Variants in USP20 observed in about 807,000 individuals in gnomAD.
USP20 encodes ubiquitin carboxyl-terminal hydrolase 20.
USP20 carries 80 observed loss-of-function variants against 124.2 expected under a neutral mutation model. The ratio of observed to expected loss-of-function variants is 0.64; its 90% CI spans 0.54 to 0.78. USP20 has a LOEUF of 0.78. Among genes scored for constraint, USP20 ranks in the 30% least tolerant of loss-of-function variants. The pLI, the probability that USP20 is intolerant of heterozygous loss-of-function variation, is 0.00. For missense variants in USP20, 1,043 were observed against 1,244.4 expected (o/e 0.84, Z 2.44); for synonymous variants, 481 against 512.3 (o/e 0.94, Z 0.83).
intron 22 of USP20, among the ~76,000 whole-genome samples, chr9:129,876,667 A>T (rs943254151): frequency 6.6e-6 from 1 of 151,592 alleles, no homozygotes; most frequent in South Asian, 2.1e-4. Flanking sequence ...AAAAGAAAAG[A>T]AAGGAGTCTT....
chr9:129,873,113 ACT>A (rs1032140650), intron 15 of USP20, among the ~76,000 whole-genome samples: 2 of 52,874 alleles, frequency 3.8e-5, no homozygotes, highest in African/African-American at 1.5e-4. Flanking sequence ...ATGGAGTTTT[ACT>A]CTGTCACCCA....
chr9:129,865,283 T>A lies in USP20; in HGVS notation c.612-20T>A. 2 of 1,613,834 alleles carry A rather than the reference T, an allele frequency of 1.2e-6. No homozygotes were observed. Among genetic ancestry groups the A allele is most frequent in the African/African-American group, 1.3e-5 (1 of 75,054 alleles). ...GCTCAAGGCAGGCTACCTGGACTAA[T>A]GGGTTTGGGCTTCCTACAGGCCAAG... On this transcript the variant is annotated intron_variant, in intron 9 of 25. Transcript: ENST00000372429.
intron 11 of USP20, 135 bp from the exon 12 acceptor site, chr9:129,868,727 G>GT (rs1361085443): frequency 2.1e-6 from 3 of 1,425,260 alleles, no homozygotes; most frequent in East Asian, 2.4e-5. Flanking sequence ...GGGGCCAGGA[G>GT]TGGGCACATG....
At chr9:129,859,091 A>G (rs545179479) in intron 6 of USP20, among the ~76,000 whole-genome samples, 3 of 151,608 alleles carry the variant, frequency 2.0e-5, no homozygotes, top group Admixed American at 1.3e-4. Flanking sequence ...TTTGATCAAC[A>G]GTGTGCTGTG....
chr9:129,870,364 C>A, intron 14 of USP20, 89 bp from the exon 15 acceptor site: 1 of 1,412,688 alleles, frequency 7.1e-7, no homozygotes, highest in Non-Finnish European at 9.9e-7. Flanking sequence ...TTCTGCGGCT[C>A]AGGCCTGACA....
Position 129,875,345 on chromosome 9 carries a change from AG to A in USP20, c.2086del (p.Val696TrpfsTer79). ...GAGGAGGCCATGCGGGAGCGACAGC[AG>A]GTGGTGTCCCTGGCCGCCATGCGGG... ...SSEEAMRERQ[Q>X]VVSLAAMREP... On this transcript the variant is annotated frameshift_variant, in exon 20 of 26. Transcript: ENST00000372429. LOFTEE classifies it high-confidence loss of function. 1.9e-6 allele frequency: 3 copies of A among 1,612,330 alleles called. No individual in the cohort carries two copies. Among genetic ancestry groups the A allele is most frequent in the Non-Finnish European group, 2.5e-6 (3 of 1,179,596 alleles).
Position 129,876,257 on chromosome 9 carries a change from C to T in USP20, c.2409+19C>T, listed in dbSNP as rs747827071. The T allele has an allele frequency of 2.4e-5, 39 of 1,592,258 alleles. No homozygotes were observed. The highest frequency in any genetic ancestry group is 5.4e-5 in the African/African-American group (4 of 74,476). The stretch of plus-strand genomic sequence containing the variant: ...CATCAAGGTGCGTGCGGCGAGGCGG[C>T]GCGGGGGCGGCTCTGCCAGCCTCTG... On this transcript the variant is annotated intron_variant, in intron 22 of 25. Coordinates refer to ENST00000372429, the MANE Select transcript of USP20 (RefSeq NM_001110303.4).
intron 15 of USP20, among the ~76,000 whole-genome samples, chr9:129,871,677 T>A (rs10739761): frequency 6.6e-6 from 1 of 152,124 alleles, no homozygotes; most frequent in Non-Finnish European, 1.5e-5. Context: ...GTCAACCTCA[T>A]GGGTATGAGG....
rs983173777 is a variant in USP20, at chr9:129,868,314, T to C, written c.1000T>C (p.Trp334Arg). 1.2e-6 allele frequency: 2 copies of C among 1,613,694 alleles called. No individual in the cohort carries two copies. Among genetic ancestry groups the C allele is most frequent in the South Asian group, 2.2e-5 (2 of 91,092 alleles). The change falls in exon 11 of 26, where the codon TGG becomes CGG. Residue 334 changes from tryptophan (W) to arginine (R), a missense_variant. Physicochemically the swap from Trp to Arg is moderately radical, Grantham distance 101. Transcript: ENST00000372429. Reference protein sequence around the residue: ...KERMKDRKFSWGQQRTNSEQV... With the variant: ...KERMKDRKFSRGQQRTNSEQV... ...GCGGATGAAGGACCGCAAGTTCTCCTGGGGCCAGCAGCGTACAAACTCGGA... is the reference window on the plus strand; with the variant it reads ...GCGGATGAAGGACCGCAAGTTCTCCCGGGGCCAGCAGCGTACAAACTCGGA...
intron 3 of USP20, among the ~76,000 whole-genome samples, chr9:129,853,432 C>A (rs1451208768): frequency 6.6e-6 from 1 of 152,198 alleles, no homozygotes; most frequent in Non-Finnish European, 1.5e-5. Flanking sequence ...CACCTGGACC[C>A]TTTGCAGCCT....
At chr9:129,865,505 C>T (rs1254231643) in intron 10 of USP20, 124 bp downstream of exon 10, 2 of 957,556 alleles carry the variant, frequency 2.1e-6, no homozygotes, top group East Asian at 2.6e-5. Flanking sequence ...TCTCACGGAC[C>T]AGGCTCTCAC....
intron 10 of USP20, among the ~76,000 whole-genome samples, chr9:129,866,641 T>C (rs2033832944): frequency 1.3e-5 from 2 of 152,196 alleles, no homozygotes; most frequent in Non-Finnish European, 2.9e-5. Context: ...CCATCTGGGC[T>C]CCGGCAGAAG....
chr9:129,876,054 A>C lies in USP20; in HGVS notation c.2301-76A>C, dbSNP rs999162017. 5 of 1,285,778 alleles carry C rather than the reference A, an allele frequency of 3.9e-6. No individual in the cohort carries two copies. The African/African-American group carries it at 4.4e-5, about 11-fold the overall frequency. The allele number at this position is 1,285,778 out of a possible 1,614,324, so 79.6% of individuals were successfully genotyped here. On this transcript the variant is annotated intron_variant, in intron 21 of 25. Transcript: ENST00000372429. ...GGGGGCACTGATGGCTTGAGGGGGA[A>C]GTGGAAGGCAGTGATCACTCTCCCC...
chr9:129,849,257 G>A (rs1263229407), intron 1 of USP20, among the ~76,000 whole-genome samples: 1 of 152,166 alleles, frequency 6.6e-6, no homozygotes, highest in Non-Finnish European at 1.5e-5. Flanking sequence ...ACTAGTGAAG[G>A]CCAGCACTCC....
intron 17 of USP20, among the ~76,000 whole-genome samples, chr9:129,874,146 G>A (rs1461284112): frequency 6.6e-6 from 1 of 152,152 alleles, no homozygotes; most frequent in Non-Finnish European, 1.5e-5. Context: ...CCTGGAGGGT[G>A]TAGGCTGGTG....
chr9:129,856,387 G>T, intron 4 of USP20, 27 bp downstream of exon 4: 3 of 1,612,874 alleles, frequency 1.9e-6, no homozygotes, highest in African/African-American at 1.3e-5. Context: ...GCCATCAGGG[G>T]TGTAGAGCTG....
chr9:129,877,564 G>C (rs1281683829), intron 22 of USP20, among the ~76,000 whole-genome samples: 1 of 151,668 alleles, frequency 6.6e-6, no homozygotes, highest in Non-Finnish European at 1.5e-5. Context: ...TGGGCCTAGT[G>C]GTATGCACCT....
At chr9:129,840,224 C>T (rs1447209979) in intron 1 of USP20, among the ~76,000 whole-genome samples, 1 of 152,216 alleles carries the variant, frequency 6.6e-6, no homozygotes, top group Non-Finnish European at 1.5e-5. Flanking sequence ...CTGCTGTGCA[C>T]ACTCCATATA....
At position 129,879,690 on chromosome 9, in the gene USP20, G is replaced by C; in HGVS notation, c.2584+46G>C. 6.2e-7 allele frequency: 1 copy of C among 1,605,836 alleles called. No individual in the cohort carries two copies. Among genetic ancestry groups the C allele is most frequent in the Non-Finnish European group, 8.5e-7 (1 of 1,173,064 alleles). ...GCCAGGCTCCTCTCTGCCCTTCCTG[G>C]CTGCCAGGCTGCTGCCCAGTCCCGT... On this transcript the variant is annotated intron_variant, in intron 24 of 25. Transcript: ENST00000372429. The surrounding 1 kb of genome is among the most constrained non-coding windows in gnomAD (Gnocchi z 4.2).
Sources: gnomAD v4.1 joint callset for allele counts (sites outside exome capture counted in the v4.1 genomes callset) on GRCh38, gnomAD v4.1.1 for gene constraint, Gnocchi (gnomAD v3.1) non-coding constraint, MANE v1.5 for transcripts, NCBI Gene and HGNC (gene_info 2026-07-23, HGNC 2026-07-21) for gene names.